SNTG2: variants seen among roughly 807,000 people sequenced by gnomAD.
SNTG2 encodes syntrophin gamma 2, also known as gamma-2-syntrophin.
A neutral mutation model predicts 70.9 loss-of-function variants in SNTG2; 74 were observed. The ratio of observed to expected loss-of-function variants is 1.04; its 90% confidence interval spans 0.86 to 1.27. SNTG2 has a LOEUF of 1.27. SNTG2 is among the 50% of genes most tolerant of loss of function. The pLI is 0.00. For missense variants in SNTG2, 717 were observed against 690.7 expected, an observed-to-expected ratio of 1.04 and a Z score of -0.43; for synonymous variants, 278 against 273.8, an observed-to-expected ratio of 1.02 and a Z score of -0.15.
intron 1 of SNTG2, among the ~76,000 whole-genome samples, chr2:958,558 C>G (rs903390577): frequency 1.3e-5 from 2 of 152,118 alleles, no homozygotes; most frequent in African/African-American, 4.8e-5. Flanking sequence ...CAATTACCTA[C>G]ACTGTAATTG....
chr2:1,140,513 C>G (rs1262450984), intron 6 of SNTG2, among the ~76,000 whole-genome samples: 2 of 152,196 alleles, frequency 1.3e-5, no homozygotes, highest in East Asian at 1.9e-4. Flanking sequence ...CGGTTCCTCT[C>G]GTACCTGTAC....
intron 1 of SNTG2, among the ~76,000 whole-genome samples, chr2:961,694 A>G (rs1660356499): frequency 6.6e-6 from 1 of 152,180 alleles, no homozygotes; most frequent in South Asian, 2.1e-4. Context: ...GCTATTCTGA[A>G]ATGTGGGTAC....
At chr2:1,341,127 G>C (rs371956113) in intron 16 of SNTG2, 3 of 152,164 alleles carry the variant, frequency 2.0e-5, no homozygotes, top group African/African-American at 2.4e-5. Context: ...AGGAGTCTAC[G>C]TGTGTCTCTG....
chr2:1,316,431 C>A, intron 16 of SNTG2, 56 bp downstream of exon 16: 1 of 888,702 alleles, frequency 1.1e-6, no homozygotes, highest in Admixed American at 2.5e-5. Flanking sequence ...AAGTACAGCT[C>A]AGAGGGTCCG....
At chr2:1,179,617 A>G (rs921588556) in intron 8 of SNTG2, among the ~76,000 whole-genome samples, 7 of 152,092 alleles carry the variant, frequency 4.6e-5, no homozygotes, top group Non-Finnish European at 1.0e-4. Flanking sequence ...GGAAGAATCA[A>G]TATCGTGAAA....
intron 1 of SNTG2, among the ~76,000 whole-genome samples, chr2:1,002,333 G>A (rs1306826650): frequency 6.6e-6 from 1 of 152,034 alleles, no homozygotes; most frequent in Non-Finnish European, 1.5e-5. Context: ...TAGAATGGGG[G>A]AAAATATTTG....
chr2:1,098,103 G>A (rs1261476096), intron 2 of SNTG2, 93 bp from the exon 3 acceptor site: 9 of 1,337,332 alleles, frequency 6.7e-6, no homozygotes, highest in African/African-American at 1.5e-5. Flanking sequence ...AATTTAACAC[G>A]TATTTGGGTT....
Position 1,124,849 on chromosome 2 carries a change from C to T in SNTG2, c.326-12773C>T, listed in dbSNP as rs575606585. Among the ~76,000 whole-genome samples the T allele has an allele frequency of 2.6e-5, 4 of 152,162 alleles. No homozygotes were observed. In the South Asian group the frequency reaches 6.2e-4, roughly 24 times the overall value. ...GGATGCAAAGCCGTGCACAAGTAGG[C>T]GAGCGAGTTGAGAGGTCCAGTGCTC... is the stretch of plus-strand genomic sequence containing the variant. On this transcript the variant is annotated intron_variant, in intron 4 of 16. Transcript: ENST00000308624.
intron 14 of SNTG2, among the ~76,000 whole-genome samples, chr2:1,269,641 C>T (rs1281475285): frequency 6.6e-6 from 1 of 152,088 alleles, no homozygotes; most frequent in Non-Finnish European, 1.5e-5. Context: ...GTGTCTTGCA[C>T]AGGTGGAGAA....
chr2:1,220,280 G>T (rs1193782281), intron 9 of SNTG2, among the ~76,000 whole-genome samples: 1 of 152,264 alleles, frequency 6.6e-6, no homozygotes, highest in African/African-American at 2.4e-5. Context: ...GCCCTGCACT[G>T]GGTGCCGTCA....
intron 9 of SNTG2, among the ~76,000 whole-genome samples, chr2:1,211,008 C>A (rs1242308835): frequency 1.3e-5 from 2 of 152,198 alleles, no homozygotes; most frequent in Non-Finnish European, 2.9e-5. Flanking sequence ...CATTAAGTAA[C>A]ATCTGACTGT....
intron 1 of SNTG2, among the ~76,000 whole-genome samples, chr2:991,787 T>C (rs1210478918): frequency 2.0e-5 from 3 of 152,148 alleles, no homozygotes. Flanking sequence ...CAGGCAGCAG[T>C]GGTGACAGCA....
chr2:1,114,938 G>A, intron 4 of SNTG2, among the ~76,000 whole-genome samples: 1 of 152,018 alleles, frequency 6.6e-6, no homozygotes, highest in Non-Finnish European at 1.5e-5. Flanking sequence ...ACTACGTGAG[G>A]TTTAACCCTT....
chr2:1,055,509 T>A (rs1295077530), intron 1 of SNTG2, among the ~76,000 whole-genome samples: 1 of 152,122 alleles, frequency 6.6e-6, no homozygotes, highest in South Asian at 2.1e-4. Context: ...TGGGTCAGGA[T>A]TTTTCATGGA....
chr2:1,352,464 C>T (rs921532352), intron 16 of SNTG2, among the ~76,000 whole-genome samples: 2 of 152,216 alleles, frequency 1.3e-5, no homozygotes, highest in African/African-American at 4.8e-5. Flanking sequence ...CTCCTCCTAG[C>T]AGCTGGGCCC....
intron 8 of SNTG2, among the ~76,000 whole-genome samples, chr2:1,182,002 C>T (rs1431406641): frequency 6.6e-6 from 1 of 152,202 alleles, no homozygotes; most frequent in Non-Finnish European, 1.5e-5. Flanking sequence ...ATTGCTGCTT[C>T]TTCCCATCTT....
At chr2:1,169,224 T>G (rs140235468) in intron 7 of SNTG2, among the ~76,000 whole-genome samples, 1 of 152,154 alleles carries the variant, frequency 6.6e-6, no homozygotes, top group East Asian at 1.9e-4. Context: ...AGATAGTGGC[T>G]TGGACAGGAG....
At chr2:977,180 G>C (rs1438394301) in intron 1 of SNTG2, among the ~76,000 whole-genome samples, 1 of 152,232 alleles carries the variant, frequency 6.6e-6, no homozygotes, top group African/African-American at 2.4e-5. Context: ...AGTACACGCT[G>C]TAAGTATATA....
chr2:1,327,269 C>G (rs1158940410), intron 16 of SNTG2, among the ~76,000 whole-genome samples: 1 of 151,996 alleles, frequency 6.6e-6, no homozygotes, highest in Non-Finnish European at 1.5e-5. Flanking sequence ...CAATTTGGAA[C>G]AGGACATTTT....
Sources: allele counts gnomAD v4.1 joint callset (sites outside exome capture counted in the v4.1 genomes callset), GRCh38; gene constraint gnomAD v4.1.1; transcripts MANE v1.5; gene names NCBI Gene and HGNC (gene_info 2026-07-23, HGNC 2026-07-21).